Variants in EEF1G observed in about 807,000 individuals in gnomAD.
EEF1G encodes eukaryotic translation elongation factor 1 gamma, also known as elongation factor 1-gamma.
A neutral mutation model predicts 58.3 loss-of-function variants in EEF1G; 14 were observed. The ratio of observed to expected loss-of-function variants is 0.24; its 90% CI spans 0.16 to 0.38. The LOEUF (loss-of-function observed/expected upper bound fraction) is 0.38, where lower values mean the gene tolerates loss of function less well. EEF1G is among the 10% of genes least tolerant of loss of function. EEF1G has a pLI of 1.00. For missense variants in EEF1G, 322 were observed against 550.1 expected, an observed-to-expected ratio of 0.59 and a Z score of 4.15; for synonymous variants, 180 against 206.8, an observed-to-expected ratio of 0.87 and a Z score of 1.11.
chr11:62,572,299 T>C (rs75857539), intron 2 of EEF1G, among the ~76,000 whole-genome samples: 4,786 of 152,266 alleles, frequency 0.031, 171 homozygotes, highest in African/African-American at 0.087. Flanking sequence ...GGGTAAGAAT[T>C]CTGCTCATAA....
Position 62,559,933 on chromosome 11 carries a change from T to A in EEF1G, c.1156-96A>T, listed in dbSNP as rs540829093. 4.4e-6 allele frequency: 7 copies of A among 1,607,910 alleles called. No individual in the cohort carries two copies. The East Asian group carries it at 1.6e-4, about 36-fold the overall frequency. Reference sequence around the variant, plus strand: ...AACACATGTCATCAGACCCCAGGTCTCCTGTGAACATGAACTGCTCCTTCC... The same window carrying A: ...AACACATGTCATCAGACCCCAGGTCACCTGTGAACATGAACTGCTCCTTCC... On this transcript the variant is annotated intron_variant, in intron 9 of 9. Coordinates refer to ENST00000329251, the MANE Select transcript of EEF1G (RefSeq NM_001404.5).
chr11:62,562,056 G>T (rs1281503450), intron 7 of EEF1G, among the ~76,000 whole-genome samples: 1 of 152,218 alleles, frequency 6.6e-6, no homozygotes, highest in Non-Finnish European at 1.5e-5. Context: ...CTTGAGTTGT[G>T]TCCCGCATAG....
chr11:62,559,607 G>A lies in EEF1G; in HGVS notation c.*72C>T. The A allele has an allele frequency of 6.4e-7, 1 of 1,566,158 alleles. No homozygotes were observed. Among genetic ancestry groups the A allele is most frequent in the South Asian group, 1.1e-5 (1 of 87,450 alleles). On this transcript the variant is annotated 3_prime_UTR_variant, in exon 10 of 10. Transcript: ENST00000329251. ...GAGGCAGGACAGGAAAGGGTTCAAT[G>A]TTCAGTTTCCTTTAATGACCCCCAT...
At chr11:62,571,761 C>T in intron 3 of EEF1G, 77 bp downstream of exon 3, 2 of 1,561,560 alleles carry the variant, frequency 1.3e-6, no homozygotes, top group African/African-American at 1.4e-5. Flanking sequence ...TCCTTCATAT[C>T]CACCCCCGCT....
intron 7 of EEF1G, among the ~76,000 whole-genome samples, chr11:62,562,371 C>T (rs1326621934): frequency 6.6e-6 from 1 of 152,082 alleles, no homozygotes; most frequent in African/African-American, 2.4e-5. Flanking sequence ...CTAACTCGCT[C>T]AGGTACAACA....
At chr11:62,560,573 A>G (rs1941482045) in intron 7 of EEF1G, 119 bp from the exon 8 acceptor site, 1 of 1,137,952 alleles carries the variant, frequency 8.8e-7, no homozygotes, top group East Asian at 2.6e-5. Context: ...TTGTGCTGGC[A>G]GATGTGTATG....
chr11:62,569,656 GA>G (rs1188467494), intron 5 of EEF1G, among the ~76,000 whole-genome samples: 1 of 151,948 alleles, frequency 6.6e-6, no homozygotes, highest in African/African-American at 2.4e-5. Context: ...ACCAGAAGAG[GA>G]AAAAAAATCT....
At chr11:62,573,315 C>T in intron 1 of EEF1G, 1 of 165,846 alleles carries the variant, frequency 6.0e-6, no homozygotes, top group South Asian at 1.5e-4. Flanking sequence ...TCCCTCCGGT[C>T]CTGTCCCGCA....
intron 5 of EEF1G, among the ~76,000 whole-genome samples, chr11:62,569,551 G>T (rs549885760): frequency 3.9e-5 from 6 of 152,346 alleles, no homozygotes; most frequent in Non-Finnish European, 7.3e-5. Context: ...CATGGTCAAA[G>T]AAAAATAAGA....
chr11:62,561,824 A>C (rs1281482612), intron 7 of EEF1G, among the ~76,000 whole-genome samples: 5 of 152,098 alleles, frequency 3.3e-5, no homozygotes, highest in African/African-American at 1.2e-4. Flanking sequence ...CTTCTCATGT[A>C]AATAAGACTC....
rs376830310 is a variant in EEF1G, at chr11:62,572,755, G to A, written c.13-13C>T. 10 of 1,601,500 alleles carry A rather than the reference G, an allele frequency of 6.2e-6. No homozygotes were observed. Among genetic ancestry groups the A allele is most frequent in the Non-Finnish European group, 7.7e-6 (9 of 1,170,366 alleles). ...ACGTGTACAGGGTCTATGGGAGAAA[G>A]AGAGGGACAAAATTAATGAGTAGAA... is the stretch of plus-strand genomic sequence containing the variant. On this transcript the variant is annotated splice_polypyrimidine_tract_variant and intron_variant, in intron 1 of 9. Coordinates refer to ENST00000329251, the MANE Select transcript of EEF1G (RefSeq NM_001404.5).
At chr11:62,568,973 C>CA (rs71458422) in intron 5 of EEF1G, among the ~76,000 whole-genome samples, 31,834 of 132,442 alleles carry the variant, frequency 0.24, 3,921 homozygotes, top group Middle Eastern at 0.33. Flanking sequence ...GACTTCGTCT[C>CA]AAAAAAAAAA....
Position 62,567,203 on chromosome 11 carries a change from C to T in EEF1G, c.653-193G>A, listed in dbSNP as rs117085346. 258 of 923,948 alleles carry T rather than the reference C, an allele frequency of 2.8e-4. 2 individuals carry two copies. The East Asian group carries it at 6.6e-3, about 24-fold the overall frequency. 57.2% of individuals were successfully genotyped at this position (923,948 alleles called of 1,614,324 possible). A position where few individuals can be genotyped will look rare whatever the true frequency, so the allele number is the denominator to read the frequency against. Reference sequence around the variant, plus strand: ...ACACTCAGCAACAAATACTTTATATCGCAAATCTATATAGTAATACAAATT... The same window carrying T: ...ACACTCAGCAACAAATACTTTATATTGCAAATCTATATAGTAATACAAATT... On this transcript the variant is annotated intron_variant, in intron 6 of 9. Transcript: ENST00000329251.
intron 5 of EEF1G, among the ~76,000 whole-genome samples, chr11:62,568,123 G>A (rs1017908612): frequency 2.5e-4 from 38 of 151,840 alleles, no homozygotes; most frequent in African/African-American, 8.9e-4. Context: ...AGCTACTCGG[G>A]ACGCTAAGGC....
At chr11:62,569,824 G>A (rs1405641802) in intron 5 of EEF1G, among the ~76,000 whole-genome samples, 2 of 152,096 alleles carry the variant, frequency 1.3e-5, no homozygotes, top group African/African-American at 4.8e-5. Flanking sequence ...CTTTTGCTAT[G>A]ATCACATTAC....
chr11:62,568,895 C>T (rs975226580), intron 5 of EEF1G, among the ~76,000 whole-genome samples: 1 of 151,864 alleles, frequency 6.6e-6, no homozygotes, highest in Non-Finnish European at 1.5e-5. Flanking sequence ...ATCACTTGAA[C>T]CCGGGAGGCA....
Position 62,571,250 on chromosome 11 carries a change from G to A in EEF1G, c.379-142C>T, listed in dbSNP as rs1323647751. 3.7e-6 allele frequency: 5 copies of A among 1,348,484 alleles called. No individual in the cohort carries two copies. In the African/African-American group the frequency reaches 5.8e-5, roughly 16 times the overall value. 83.5% of individuals were successfully genotyped at this position (1,348,484 alleles called of 1,614,324 possible). ...TCTTTCAATGGAGGCAGATCCTAGG[G>A]TCATTCTAAATGTATTACAAACAAT... On this transcript the variant is annotated intron_variant, in intron 4 of 9. Coordinates refer to ENST00000329251, the MANE Select transcript of EEF1G (RefSeq NM_001404.5).
At chr11:62,561,263 G>A (rs1484486062) in intron 7 of EEF1G, among the ~76,000 whole-genome samples, 1 of 151,892 alleles carries the variant, frequency 6.6e-6, no homozygotes, top group Admixed American at 6.6e-5. Context: ...AAAATTAGCT[G>A]GGCGTGGTGG....
At chr11:62,565,432 C>A in intron 7 of EEF1G, among the ~76,000 whole-genome samples, 1 of 151,852 alleles carries the variant, frequency 6.6e-6, no homozygotes, top group East Asian at 1.9e-4. Flanking sequence ...CCCTGTAGGG[C>A]ATCATGGTAA....
Sources: gnomAD v4.1 joint callset for allele counts (sites outside exome capture counted in the v4.1 genomes callset) on GRCh38, gnomAD v4.1.1 for gene constraint, MANE v1.5 for transcripts, NCBI Gene and HGNC (gene_info 2026-07-23, HGNC 2026-07-21) for gene names.